The following ZSCAN4 variants were observed in gnomAD, a reference collection of about 807,000 sequenced individuals.
ZSCAN4 encodes zinc finger and SCAN domain-containing protein 4.
ZSCAN4 carries 18 observed loss-of-function variants against 18.3 expected under a neutral mutation model. The observed-to-expected ratio is 0.98, with a 90% confidence interval of 0.68 to 1.46. The LOEUF is 1.46. Among genes scored for constraint, ZSCAN4 ranks in the 40% most tolerant of loss-of-function variants. The pLI, the probability that ZSCAN4 is intolerant of heterozygous loss-of-function variation, is 0.00. For missense variants in ZSCAN4, 498 were observed against 511.4 expected, an observed-to-expected ratio of 0.97 and a Z score of 0.25; for synonymous variants, 193 against 180.3, an observed-to-expected ratio of 1.07 and a Z score of -0.57.
At chr19:57,671,361 C>A (rs890207670) in intron 2 of ZSCAN4, among the ~76,000 whole-genome samples, 1 of 151,954 alleles carries the variant, frequency 6.6e-6, no homozygotes, top group African/African-American at 2.4e-5. Context: ...ACTTTGCAGT[C>A]TTGTCTATGT....
Position 57,678,606 on chromosome 19 carries a change from AG to A in ZSCAN4, c.1005del (p.Asn336MetfsTer25). Reference sequence around the variant, plus strand: ...CTTATTAGCTCACCAGAGAAGACACAGGAATGAGAGGCCATTTGTTTGTCCC... The same window carrying A: ...CTTATTAGCTCACCAGAGAAGACACAGAATGAGAGGCCATTTGTTTGTCCC... On this transcript the variant is annotated frameshift_variant, in exon 5 of 5. Transcript: ENST00000318203. LOFTEE classifies it low-confidence loss of function (END_TRUNC). 5 of 1,614,078 alleles carry A rather than the reference AG, an allele frequency of 3.1e-6. No individual in the cohort carries two copies. The highest frequency in any genetic ancestry group is 1.3e-5 in the African/African-American group (1 of 75,068).
chr19:57,670,471 G>A (rs1392840536), exon 2 of ZSCAN4: 3 of 152,202 alleles, frequency 2.0e-5, no homozygotes, highest in Non-Finnish European at 2.9e-5. Flanking sequence ...CTATAAAAGG[G>A]AGCAGCCTTA....
chr19:57,676,486 A>C (rs1260753884), exon 3 of ZSCAN4: 1 of 1,614,186 alleles, frequency 6.2e-7, no homozygotes, highest in South Asian at 1.1e-5. Context: ...AGTGGCAAAA[A>C]CTTGGAGAGA....
chr19:57,654,727 T>C, the ZSCAN4 span, among the ~76,000 whole-genome samples: 1 of 152,182 alleles, frequency 6.6e-6, no homozygotes, highest in African/African-American at 2.4e-5. Flanking sequence ...TTTATCTGTA[T>C]TGGACTTGAA....
At chr19:57,676,665 C>G in intron 3 of ZSCAN4, 124 bp downstream of exon 3, 1 of 1,090,912 alleles carries the variant, frequency 9.2e-7, no homozygotes, top group Non-Finnish European at 1.3e-6. Context: ...TCAGCTCACA[C>G]TCTCCCACCA....
At chr19:57,668,027 G>A (rs1490319972), upstream of ZSCAN4, among the ~76,000 whole-genome samples, 3 of 151,990 alleles carry the variant, frequency 2.0e-5, no homozygotes, top group African/African-American at 7.2e-5. Context: ...TCAGGCTCCC[G>A]AGTACTTGGG....
the ZSCAN4 span, among the ~76,000 whole-genome samples, chr19:57,660,205 G>C: frequency 4.6e-5 from 7 of 152,270 alleles, no homozygotes; most frequent in South Asian, 1.4e-3. Flanking sequence ...AGTATTAATT[G>C]TTCTCTGTAA....
chr19:57,677,517 G>C (rs1248356132), intron 3 of ZSCAN4, among the ~76,000 whole-genome samples: 1 of 152,076 alleles, frequency 6.6e-6, no homozygotes, highest in Non-Finnish European at 1.5e-5. Context: ...CAGGAAAGTT[G>C]CTATGTATTA....
the ZSCAN4 span, among the ~76,000 whole-genome samples, chr19:57,652,010 C>T: frequency 6.6e-6 from 1 of 152,154 alleles, no homozygotes; most frequent in Non-Finnish European, 1.5e-5. Context: ...CCTCAGAATG[C>T]TCACTGCTCC....
the ZSCAN4 span, among the ~76,000 whole-genome samples, chr19:57,655,828 A>G: frequency 6.6e-6 from 1 of 152,074 alleles, no homozygotes; most frequent in Non-Finnish European, 1.5e-5. Context: ...ACCCCCTTAC[A>G]GGGGACACCT....
chr19:57,668,633 A>T (rs1983920937), upstream of ZSCAN4, among the ~76,000 whole-genome samples: 1 of 152,166 alleles, frequency 6.6e-6, no homozygotes, highest in South Asian at 2.1e-4. Flanking sequence ...ATGAGGGTGG[A>T]AAGTGGGGAG....
chr19:57,652,529 G>A, the ZSCAN4 span, among the ~76,000 whole-genome samples: 28 of 152,116 alleles, frequency 1.8e-4, no homozygotes, highest in South Asian at 5.4e-3. Flanking sequence ...TGACCCAGTC[G>A]ATGAACCTCT....
At chr19:57,668,505 T>C (rs968506463), upstream of ZSCAN4, among the ~76,000 whole-genome samples, 8 of 152,122 alleles carry the variant, frequency 5.3e-5, no homozygotes, top group Non-Finnish European at 7.4e-5. Flanking sequence ...CCAACAGTGA[T>C]AGGGGGACAA....
chr19:57,677,333 G>A (rs1200328920), intron 3 of ZSCAN4, among the ~76,000 whole-genome samples: 1 of 152,178 alleles, frequency 6.6e-6, no homozygotes, highest in Non-Finnish European at 1.5e-5. Context: ...GTTTCCAGGT[G>A]AGGTTGAACA....
At chr19:57,673,240 G>C (rs1286668016) in intron 2 of ZSCAN4, among the ~76,000 whole-genome samples, 1 of 151,802 alleles carries the variant, frequency 6.6e-6, no homozygotes, top group Non-Finnish European at 1.5e-5. Flanking sequence ...GTAGAGAAAG[G>C]GTTTCACCAC....
At chr19:57,675,659 C>T (rs1310274203) in intron 2 of ZSCAN4, among the ~76,000 whole-genome samples, 18 of 152,180 alleles carry the variant, frequency 1.2e-4, no homozygotes, top group Admixed American at 1.2e-3. Context: ...ATTTTAAATG[C>T]ATTCATTGAG....
At chr19:57,663,313 C>T in the ZSCAN4 span, among the ~76,000 whole-genome samples, 2 of 151,496 alleles carry the variant, frequency 1.3e-5, no homozygotes, top group Admixed American at 1.3e-4. Context: ...GTAATAAGTC[C>T]CAATATTTAC....
At chr19:57,655,521 G>A in the ZSCAN4 span, among the ~76,000 whole-genome samples, 1 of 152,230 alleles carries the variant, frequency 6.6e-6, no homozygotes, top group South Asian at 2.1e-4. Context: ...GATCTTATGT[G>A]TGTCTATGCT....
chr19:57,669,111 A>C (rs1372545469), exon 1 of ZSCAN4: 1 of 131,870 alleles, frequency 7.6e-6, no homozygotes, highest in Non-Finnish European at 1.5e-5. Flanking sequence ...TCCAGGCTGG[A>C]GTGCCGTGGC....
Sources: allele counts gnomAD v4.1 joint callset (sites outside exome capture counted in the v4.1 genomes callset), GRCh38; gene constraint gnomAD v4.1.1; transcripts MANE v1.5; gene names NCBI Gene and HGNC (gene_info 2026-07-23, HGNC 2026-07-21).